The following POU6F2 variants were observed in gnomAD, a reference collection of about 807,000 sequenced individuals.
POU6F2 encodes the protein POU class 6 homeobox 2.
A neutral mutation model predicts 71.3 loss-of-function variants in POU6F2; 31 were observed. The ratio of observed to expected loss-of-function variants is 0.43; its 90% CI spans 0.33 to 0.59. The LOEUF (loss-of-function observed/expected upper bound fraction) is 0.59, where lower values mean the gene tolerates loss of function less well. Ranked by LOEUF, POU6F2 falls within the 20% of genes least tolerant of loss-of-function variation. The pLI, the probability that POU6F2 is intolerant of heterozygous loss-of-function variation, is 0.04. For missense variants in POU6F2, 783 were observed against 856.8 expected, an observed-to-expected ratio of 0.91 and a Z score of 1.07; for synonymous variants, 347 against 355.7, an observed-to-expected ratio of 0.98 and a Z score of 0.27.
chr7:39,106,338 T>A (rs1013421724), intron 2 of POU6F2, among the ~76,000 whole-genome samples: 1 of 152,082 alleles, frequency 6.6e-6, no homozygotes, highest in Non-Finnish European at 1.5e-5. Context: ...GAACTCAGAA[T>A]AAATTTCAAA....
At chr7:39,273,314 C>G (rs1346371634) in intron 4 of POU6F2, among the ~76,000 whole-genome samples, 1 of 152,042 alleles carries the variant, frequency 6.6e-6, no homozygotes, top group Non-Finnish European at 1.5e-5. Context: ...ATGACTTAAC[C>G]AAATGATGAA....
intron 4 of POU6F2, among the ~76,000 whole-genome samples, chr7:39,236,391 T>C (rs984364993): frequency 1.3e-5 from 2 of 152,196 alleles, no homozygotes; most frequent in Admixed American, 1.3e-4. Flanking sequence ...AATGGAAACG[T>C]ATTCCTGCCT....
chr7:39,001,684 TGGTG>T (rs1191244011), intron 1 of POU6F2, among the ~76,000 whole-genome samples: 48 of 151,388 alleles, frequency 3.2e-4, no homozygotes, highest in Admixed American at 9.9e-4. Context: ...GTGATGGTGA[TGGTG>T]ATATGATGTT....
At chr7:39,381,651 T>G (rs182138473) in intron 5 of POU6F2, among the ~76,000 whole-genome samples, 1 of 152,202 alleles carries the variant, frequency 6.6e-6, no homozygotes, top group Admixed American at 6.5e-5. Flanking sequence ...AGAACCCCAA[T>G]GAAGTCTTTT....
In POU6F2 at chr7:39,397,814, G is replaced by GTGTATATA. The variant is rs1554349981; in HGVS notation, c.973-8785_973-8784insGTATATAT. Reference sequence around the variant, plus strand: ...ATAATATGTATTTTATATATTTTGTGTATATATATATATATATATAGTAGA... The same window carrying GTGTATATA: ...ATAATATGTATTTTATATATTTTGTGTGTATATATATATATATATATATATATAGTAGA... On this transcript the variant is annotated intron_variant, in intron 5 of 9. Coordinates refer to ENST00000518318, the MANE Select transcript of POU6F2 (RefSeq NM_001370959.1). Among the ~76,000 whole-genome samples the GTGTATATA allele has an allele frequency of 1.2e-3, 160 of 128,414 alleles. 2 individuals are homozygous for GTGTATATA. Among genetic ancestry groups the GTGTATATA allele is most frequent in the African/African-American group, 4.1e-3 (125 of 30,630 alleles). 84.2% of individuals were successfully genotyped at this position (128,414 alleles called of 152,430 possible).
At chr7:39,064,185 T>C (rs1331781716) in intron 1 of POU6F2, among the ~76,000 whole-genome samples, 1 of 151,908 alleles carries the variant, frequency 6.6e-6, no homozygotes, top group African/African-American at 2.4e-5. Context: ...CATTTTAGAG[T>C]ATAAAATATT....
intron 2 of POU6F2, among the ~76,000 whole-genome samples, chr7:39,176,319 C>T (rs1440171886): frequency 2.0e-5 from 3 of 152,174 alleles, no homozygotes; most frequent in Admixed American, 1.3e-4. Context: ...CTACATTATC[C>T]TTAATGCTTA....
At chr7:39,260,461 C>T (rs931566494) in intron 4 of POU6F2, among the ~76,000 whole-genome samples, 6 of 151,022 alleles carry the variant, frequency 4.0e-5, no homozygotes, top group African/African-American at 9.8e-5. Flanking sequence ...ATACCACACA[C>T]ATACACACCA....
intron 5 of POU6F2, among the ~76,000 whole-genome samples, chr7:39,398,739 G>A (rs1183212223): frequency 6.6e-6 from 1 of 152,042 alleles, no homozygotes; most frequent in Non-Finnish European, 1.5e-5. Context: ...GGAGGAGAGA[G>A]GACTCAATCC....
intron 1 of POU6F2, among the ~76,000 whole-genome samples, chr7:39,019,350 C>T (rs1789627092): frequency 1.3e-5 from 2 of 152,162 alleles, no homozygotes; most frequent in African/African-American, 4.8e-5. Flanking sequence ...ATTGTAATCT[C>T]TTTGGAAGCT....
intron 5 of POU6F2, among the ~76,000 whole-genome samples, chr7:39,401,757 A>C (rs899544712): frequency 6.6e-6 from 1 of 152,238 alleles, no homozygotes; most frequent in Non-Finnish European, 1.5e-5. Flanking sequence ...TCCTCATTTG[A>C]AAACAATGAC....
chr7:39,321,207 C>T (rs755786020), intron 4 of POU6F2, among the ~76,000 whole-genome samples: 1 of 152,102 alleles, frequency 6.6e-6, no homozygotes, highest in South Asian at 2.1e-4. Context: ...GAAAGAAAAA[C>T]CACAAGATAA....
intron 2 of POU6F2, among the ~76,000 whole-genome samples, chr7:39,156,086 C>A (rs543903944): frequency 6.6e-6 from 1 of 152,058 alleles, no homozygotes; most frequent in Non-Finnish European, 1.5e-5. Flanking sequence ...GACATAATGA[C>A]CTAAGAAAAT....
intron 4 of POU6F2, among the ~76,000 whole-genome samples, chr7:39,333,886 C>A (rs1785710727): frequency 6.6e-6 from 1 of 152,176 alleles, no homozygotes; most frequent in Admixed American, 6.5e-5. Context: ...GGTAATGGTT[C>A]CCAATCCCCT....
chr7:39,146,376 C>T (rs984867692), intron 2 of POU6F2, among the ~76,000 whole-genome samples: 9 of 152,030 alleles, frequency 5.9e-5, no homozygotes, highest in African/African-American at 1.7e-4. Flanking sequence ...GGAACTAGGC[C>T]AGAGGGTAGG....
chr7:38,998,843 T>TTTTTTTC (rs1788819198), intron 1 of POU6F2, among the ~76,000 whole-genome samples: 1 of 143,486 alleles, frequency 7.0e-6, no homozygotes, highest in Non-Finnish European at 1.6e-5. Context: ...TTTTTTTATT[T>TTTTTTTC]TCAGTAGAGA....
chr7:39,308,459 A>G, intron 4 of POU6F2, among the ~76,000 whole-genome samples: 1 of 152,152 alleles, frequency 6.6e-6, no homozygotes. Context: ...CTTCATGGTA[A>G]AAAGGAGATT....
intron 1 of POU6F2, among the ~76,000 whole-genome samples, chr7:39,012,563 G>T (rs544187585): frequency 6.6e-6 from 1 of 151,904 alleles, no homozygotes; most frequent in Non-Finnish European, 1.5e-5. Flanking sequence ...TCCGTTGCTG[G>T]TGAGGAACTG....
chr7:39,025,568 C>T (rs1390665460), intron 1 of POU6F2, among the ~76,000 whole-genome samples: 3 of 152,008 alleles, frequency 2.0e-5, no homozygotes, highest in Non-Finnish European at 4.4e-5. Context: ...GAAACTGGAT[C>T]CCTTCCTTAC....
Sources: allele counts gnomAD v4.1 joint callset (sites outside exome capture counted in the v4.1 genomes callset), GRCh38; gene constraint gnomAD v4.1.1; transcripts MANE v1.5; gene names NCBI Gene and HGNC (gene_info 2026-07-23, HGNC 2026-07-21).